The following CMSS1 variants were observed in gnomAD, a reference collection of about 807,000 sequenced individuals.
CMSS1 encodes cms1 ribosomal small subunit homolog, also known as protein CMSS1.
In CMSS1, 33 loss-of-function variants were observed where a neutral mutation model predicts 43.5. The ratio of observed to expected loss-of-function variants is 0.76; its 90% CI spans 0.57 to 1.01. CMSS1 has a LOEUF of 1.01. CMSS1 is among the 50% of genes least tolerant of loss of function. The pLI, the probability that CMSS1 is intolerant of heterozygous loss-of-function variation, is 0.00. For missense variants in CMSS1, 313 were observed against 326.4 expected (o/e 0.96, Z 0.32); for synonymous variants, 115 against 117.2 (o/e 0.98, Z 0.12).
chr3:99,940,461 G>T (rs1404562270), intron 1 of CMSS1, among the ~76,000 whole-genome samples: 2 of 152,102 alleles, frequency 1.3e-5, no homozygotes, highest in Non-Finnish European at 2.9e-5. Context: ...TGTCCGTTTG[G>T]ACCTTGGAGC....
chr3:99,947,905 G>A (rs988001178), intron 1 of CMSS1, among the ~76,000 whole-genome samples: 1 of 152,092 alleles, frequency 6.6e-6, no homozygotes, highest in African/African-American at 2.4e-5. Flanking sequence ...TTTCATGGAG[G>A]AAGCTGTTAT....
intron 1 of CMSS1, among the ~76,000 whole-genome samples, chr3:99,962,950 T>C (rs936087734): frequency 1.3e-5 from 2 of 152,246 alleles, no homozygotes; most frequent in Admixed American, 1.3e-4. Flanking sequence ...TATTCATCCA[T>C]ATTTCACATG....
At position 99,872,879 on chromosome 3, in the gene CMSS1, G is replaced by A. The variant is rs145090125; in HGVS notation, c.64+54836G>A. 2.7e-3 allele frequency among the ~76,000 whole-genome samples: 412 copies of A among 151,790 alleles called. 4 individuals carry two copies. The highest frequency in any genetic ancestry group is 4.5e-3 in the Non-Finnish European group (308 of 67,976). On this transcript the variant is annotated intron_variant, in intron 1 of 9. Transcript: ENST00000421999. The stretch of plus-strand genomic sequence containing the variant: ...TTGCCCAGCTTTCCCAGGCAGAGAC[G>A]ATGTTAGTGCAGATGAAGGTCAAGG...
chr3:100,172,307 T>C lies in CMSS1; in HGVS notation c.580-9T>C. On this transcript the variant is annotated splice_polypyrimidine_tract_variant and intron_variant, in intron 7 of 9. Transcript: ENST00000421999. ...TTCCTTTTCTTTCTTCTCTTTCATC[T>C]TGGAACAGGTCCAGGCGCAGGTAAA... is the stretch of plus-strand genomic sequence containing the variant. The C allele has an allele frequency of 6.2e-7, 1 of 1,612,752 alleles. No individual in the cohort carries two copies. Among genetic ancestry groups the C allele is most frequent in the African/African-American group, 1.3e-5 (1 of 75,000 alleles).
At chr3:99,989,796 A>G (rs1709460349) in intron 1 of CMSS1, among the ~76,000 whole-genome samples, 1 of 151,958 alleles carries the variant, frequency 6.6e-6, no homozygotes, top group Non-Finnish European at 1.5e-5. Context: ...TATTGATTTG[A>G]TAGAAAGGAA....
chr3:100,043,237 G>A (rs2065232897), intron 1 of CMSS1, among the ~76,000 whole-genome samples: 1 of 152,162 alleles, frequency 6.6e-6, no homozygotes, highest in African/African-American at 2.4e-5. Flanking sequence ...TCTGCTCTCT[G>A]TACATACAAG....
chr3:99,986,180 T>C (rs1709336205), intron 1 of CMSS1, among the ~76,000 whole-genome samples: 2 of 152,356 alleles, frequency 1.3e-5, no homozygotes, highest in African/African-American at 2.4e-5. Context: ...CTCAAATATG[T>C]TCAAATTATA....
At chr3:99,902,394 A>C (rs1706465524) in intron 1 of CMSS1, among the ~76,000 whole-genome samples, 1 of 152,208 alleles carries the variant, frequency 6.6e-6, no homozygotes, top group Non-Finnish European at 1.5e-5. Flanking sequence ...CATGTTTTAC[A>C]AGAAGCAGTT....
chr3:99,924,722 A>T (rs1033443157), intron 1 of CMSS1, among the ~76,000 whole-genome samples: 1 of 152,044 alleles, frequency 6.6e-6, no homozygotes, highest in African/African-American at 2.4e-5. Flanking sequence ...GGGTTTCTCC[A>T]CGTTGGTCAG....
intron 1 of CMSS1, among the ~76,000 whole-genome samples, chr3:99,957,703 T>C (rs1576600344): frequency 8.5e-6 from 1 of 118,258 alleles, no homozygotes; most frequent in Admixed American, 9.8e-5. Context: ...CTTTTTTTTT[T>C]TTTTTTTTTT....
chr3:100,013,217 T>G lies in CMSS1; in HGVS notation c.65-133756T>G, dbSNP rs140781276. ...AGCCCATTTCAAGGCCAGTGAGGTG[T>G]TGTTGTTGTTGTTGTTGTTGTTGTT... On this transcript the variant is annotated intron_variant, in intron 1 of 9. Transcript: ENST00000421999. Among the ~76,000 whole-genome samples the G allele has an allele frequency of 2.7e-3, 320 of 118,586 alleles. 1 individual carries two copies. Among genetic ancestry groups the G allele is most frequent in the African/African-American group, 9.5e-3 (270 of 28,280 alleles). 77.8% of individuals were successfully genotyped at this position (118,586 alleles called of 152,430 possible). A position where few individuals can be genotyped will look rare whatever the true frequency, so the allele number is the denominator to read the frequency against.
intron 2 of CMSS1, among the ~76,000 whole-genome samples, chr3:100,149,057 G>A (rs1375343257): frequency 6.6e-6 from 1 of 152,048 alleles, no homozygotes; most frequent in African/African-American, 2.4e-5. Context: ...CTACCTACAG[G>A]ACTTACTTGC....
intron 1 of CMSS1, among the ~76,000 whole-genome samples, chr3:100,146,394 T>C (rs1159354193): frequency 6.6e-6 from 1 of 152,190 alleles, no homozygotes; most frequent in Non-Finnish European, 1.5e-5. Flanking sequence ...GCCTGGCTGG[T>C]TCTGGGTGCA....
chr3:100,063,523 T>G (rs556042703), intron 1 of CMSS1, among the ~76,000 whole-genome samples: 2 of 152,298 alleles, frequency 1.3e-5, no homozygotes, highest in African/African-American at 4.8e-5. Flanking sequence ...TAAATCAAAT[T>G]TAAAGGCTCC....
intron 1 of CMSS1, among the ~76,000 whole-genome samples, chr3:99,969,105 G>C (rs982722031): frequency 4.6e-5 from 7 of 152,130 alleles, no homozygotes; most frequent in Non-Finnish European, 8.8e-5. Context: ...TGCTGAAAAG[G>C]GGGGCCATGT....
At chr3:99,890,579 A>G (rs1257540757) in intron 1 of CMSS1, among the ~76,000 whole-genome samples, 2 of 152,008 alleles carry the variant, frequency 1.3e-5, no homozygotes, top group African/African-American at 4.8e-5. Context: ...ATTCTGTGCA[A>G]TTTCTTTGAA....
intron 2 of CMSS1, among the ~76,000 whole-genome samples, chr3:100,157,274 T>A (rs2066984221): frequency 6.6e-6 from 1 of 152,210 alleles, no homozygotes; most frequent in Non-Finnish European, 1.5e-5. Context: ...TTTTACAGCA[T>A]CTTGTTCTTG....
At chr3:99,938,308 A>G (rs1576587221) in intron 1 of CMSS1, among the ~76,000 whole-genome samples, 1 of 152,204 alleles carries the variant, frequency 6.6e-6, no homozygotes, top group South Asian at 2.1e-4. Flanking sequence ...ATTAACCATC[A>G]TTAGTTCTGT....
intron 1 of CMSS1, among the ~76,000 whole-genome samples, chr3:99,894,776 T>C (rs1706195982): frequency 6.6e-6 from 1 of 152,166 alleles, no homozygotes. Flanking sequence ...TGTGATAGTA[T>C]GGTGATTTTG....
Sources: gnomAD v4.1 joint callset for allele counts (sites outside exome capture counted in the v4.1 genomes callset) on GRCh38, gnomAD v4.1.1 for gene constraint, MANE v1.5 for transcripts, NCBI Gene and HGNC (gene_info 2026-07-23, HGNC 2026-07-21) for gene names.